The following SENP7 variants were observed in gnomAD, a reference collection of about 807,000 sequenced individuals.
The protein encoded by SENP7 is sentrin-specific protease 7.
Under a neutral mutation model 141.2 loss-of-function variants are expected in SENP7, and 64 were observed. The ratio of observed to expected loss-of-function variants is 0.45; its 90% confidence interval spans 0.37 to 0.56. The LOEUF is 0.56. SENP7 is among the 20% of genes least tolerant of loss of function. The pLI, the probability that SENP7 is intolerant of heterozygous loss-of-function variation, is 0.00. For synonymous variants in SENP7, 382 were observed against 426.4 expected (o/e 0.90, Z 1.28); for missense variants, 1,025 against 1,212.2 (o/e 0.85, Z 2.29).
At chr3:101,360,926 G>C (rs916234875) in intron 11 of SENP7, among the ~76,000 whole-genome samples, 7 of 152,068 alleles carry the variant, frequency 4.6e-5, no homozygotes, top group Admixed American at 1.3e-4. Context: ...AGAACTGGCT[G>C]GGCACAGTGG....
intron 6 of SENP7, among the ~76,000 whole-genome samples, chr3:101,390,400 T>C (rs1269353044): frequency 2.0e-5 from 3 of 151,264 alleles, no homozygotes; most frequent in Non-Finnish European, 2.9e-5. Flanking sequence ...CAAGAGCAGC[T>C]ATACATACAT....
intron 3 of SENP7, among the ~76,000 whole-genome samples, chr3:101,461,822 C>T (rs2107898089): frequency 6.6e-6 from 1 of 152,028 alleles, no homozygotes; most frequent in East Asian, 1.9e-4. Context: ...TATTATTAGA[C>T]CATAAAAAGA....
chr3:101,372,258 T>C (rs1451288767), intron 6 of SENP7, 132 bp from the exon 7 acceptor site: 2 of 434,214 alleles, frequency 4.6e-6, no homozygotes, highest in Non-Finnish European at 8.3e-6. Flanking sequence ...ATCTGGGTAG[T>C]AAAAAAAATA....
chr3:101,472,068 T>C (rs1559878205), intron 3 of SENP7, among the ~76,000 whole-genome samples: 1 of 152,206 alleles, frequency 6.6e-6, no homozygotes, highest in African/African-American at 2.4e-5. Flanking sequence ...TGTAAATTAG[T>C]TCAACCATTG....
At chr3:101,500,507 T>C (rs2065336464) in intron 2 of SENP7, among the ~76,000 whole-genome samples, 1 of 151,956 alleles carries the variant, frequency 6.6e-6, no homozygotes. Context: ...CAGTGAGCTG[T>C]ACTTGAGCCT....
chr3:101,503,080 A>G (rs1409031033), intron 1 of SENP7, among the ~76,000 whole-genome samples: 1 of 152,208 alleles, frequency 6.6e-6, no homozygotes, highest in Non-Finnish European at 1.5e-5. Context: ...AGATAATCCT[A>G]TCTTCAAAAT....
chr3:101,364,924 A>T lies in SENP7; in HGVS notation c.1386T>A (p.Ser462=). 6.3e-7 allele frequency: 1 copy of T among 1,597,328 alleles called. No individual in the cohort carries two copies. Among genetic ancestry groups the T allele is most frequent in the Non-Finnish European group, 8.5e-7 (1 of 1,171,862 alleles). ...CATTAGTTGTCTCACGGTCTTGCTT[A>T]GATTGTAACTTAAGAATTTCTGAAC... ...HKSSEILKLQ[S]KQDRETTNEN... The change falls in exon 10 of 24, where the codon TCT becomes TCA. Residue 462 remains serine (S), a synonymous_variant. Coordinates refer to ENST00000394095, the MANE Select transcript of SENP7 (RefSeq NM_020654.5).
intron 3 of SENP7, among the ~76,000 whole-genome samples, chr3:101,471,490 CA>C (rs1460066068): frequency 1.3e-5 from 2 of 152,100 alleles, no homozygotes; most frequent in African/African-American, 4.8e-5. Context: ...ACACCTTATA[CA>C]AAAATTAATT....
intron 6 of SENP7, among the ~76,000 whole-genome samples, chr3:101,381,228 A>C (rs73863085): frequency 0.033 from 5,044 of 152,238 alleles, 292 homozygotes; most frequent in African/African-American, 0.12. Flanking sequence ...ATGTTTTTTA[A>C]CTTAAATGCA....
At chr3:101,456,279 CTAAT>C (rs1404397772) in intron 4 of SENP7, among the ~76,000 whole-genome samples, 16 of 152,036 alleles carry the variant, frequency 1.1e-4, no homozygotes, top group African/African-American at 3.9e-4. Context: ...AACTATAAAA[CTAAT>C]TAATTACACT....
intron 9 of SENP7, among the ~76,000 whole-genome samples, chr3:101,366,108 C>T (rs1474290789): frequency 6.6e-6 from 1 of 152,176 alleles, no homozygotes; most frequent in Admixed American, 6.5e-5. Flanking sequence ...AGCACTTAAA[C>T]TCTGCATAAT....
intron 6 of SENP7, among the ~76,000 whole-genome samples, chr3:101,385,476 G>A (rs1460538885): frequency 7.9e-5 from 12 of 152,188 alleles, no homozygotes; most frequent in African/African-American, 2.7e-4. Context: ...AGCAAAGCAG[G>A]TGGTCCTATC....
At chr3:101,492,914 C>A (rs1559906820) in intron 3 of SENP7, among the ~76,000 whole-genome samples, 1 of 152,072 alleles carries the variant, frequency 6.6e-6, no homozygotes. Context: ...TCACTCGAGC[C>A]CAGGAGTTCA....
intron 6 of SENP7, among the ~76,000 whole-genome samples, chr3:101,389,431 T>A (rs1355026054): frequency 1.3e-5 from 2 of 151,134 alleles, no homozygotes; most frequent in Admixed American, 6.6e-5. Flanking sequence ...TATAAGAGAA[T>A]CTCCATCAAA....
intron 10 of SENP7, among the ~76,000 whole-genome samples, chr3:101,362,468 T>A (rs996588025): frequency 6.6e-6 from 1 of 152,218 alleles, no homozygotes; most frequent in Non-Finnish European, 1.5e-5. Flanking sequence ...TACTGCACTT[T>A]AAAATTTTTT....
chr3:101,466,809 C>T (rs562136833), intron 3 of SENP7, among the ~76,000 whole-genome samples: 26 of 152,222 alleles, frequency 1.7e-4, no homozygotes, highest in Middle Eastern at 3.4e-3. Context: ...ACTTCGGTAC[C>T]TGGTTCATCT....
At chr3:101,512,992 C>G (rs1181441519) in intron 1 of SENP7, 99 bp downstream of exon 1, 21 of 1,365,966 alleles carry the variant, frequency 1.5e-5, no homozygotes, top group Admixed American at 3.4e-5. Flanking sequence ...CCCGCCCTCG[C>G]CCCCGCGGCT....
chr3:101,479,892 CAAAAAAAAAAAA>C (rs1168285268), intron 3 of SENP7, among the ~76,000 whole-genome samples: 111 of 7,356 alleles, frequency 0.015, 2 homozygotes, highest in Non-Finnish European at 0.023. Context: ...ACAACAGCTA[CAAAAAAAAAAAA>C]AAAAAAAAAA....
chr3:101,350,371 G>C (rs897866274), intron 12 of SENP7, among the ~76,000 whole-genome samples: 1 of 152,020 alleles, frequency 6.6e-6, no homozygotes, highest in Non-Finnish European at 1.5e-5. Flanking sequence ...CAGCTGCACA[G>C]AAAAAGTGGA....
Sources: gnomAD v4.1 joint callset for allele counts (sites outside exome capture counted in the v4.1 genomes callset) on GRCh38, gnomAD v4.1.1 for gene constraint, MANE v1.5 for transcripts, NCBI Gene and HGNC (gene_info 2026-07-23, HGNC 2026-07-21) for gene names.